The following RPS6KC1 variants were observed in gnomAD, a reference collection of about 807,000 sequenced individuals.
The protein encoded by RPS6KC1 is ribosomal protein S6 kinase C1, also known as inactive ribosomal protein S6 kinase delta-1.
Under a neutral mutation model 103.8 loss-of-function variants are expected in RPS6KC1, and 54 were observed. The ratio of observed to expected loss-of-function variants is 0.52; its 90% CI spans 0.42 to 0.65. RPS6KC1 has a LOEUF of 0.65. Among genes scored for constraint, RPS6KC1 ranks in the 30% least tolerant of loss-of-function variants. RPS6KC1 has a pLI of 0.00. For synonymous variants in RPS6KC1, 439 were observed against 438.7 expected, an observed-to-expected ratio of 1.00 and a Z score of -0.01; for missense variants, 1,151 against 1,253.8, an observed-to-expected ratio of 0.92 and a Z score of 1.24.
chr1:213,585,389 C>T, the RPS6KC1 span, among the ~76,000 whole-genome samples: 4 of 152,294 alleles, frequency 2.6e-5, no homozygotes, highest in African/African-American at 9.6e-5. Flanking sequence ...ATTTATTCCA[C>T]ACCCTCCTCC....
At chr1:213,785,264 C>G in the RPS6KC1 span, among the ~76,000 whole-genome samples, 1 of 152,082 alleles carries the variant, frequency 6.6e-6, no homozygotes, top group African/African-American at 2.4e-5. Context: ...ACCCATGAAC[C>G]CTAAGTGGTC....
chr1:213,699,865 A>C, the RPS6KC1 span, among the ~76,000 whole-genome samples: 4 of 152,060 alleles, frequency 2.6e-5, no homozygotes, highest in Admixed American at 6.6e-5. Flanking sequence ...ATGTCTATTC[A>C]AATCTTTTGC....
At chr1:213,467,318 G>C in the RPS6KC1 span, among the ~76,000 whole-genome samples, 1 of 152,134 alleles carries the variant, frequency 6.6e-6, no homozygotes, top group South Asian at 2.1e-4. Flanking sequence ...CCCCTACTGG[G>C]AATAACGCCA....
the RPS6KC1 span, among the ~76,000 whole-genome samples, chr1:213,772,895 C>G: frequency 1.3e-5 from 2 of 152,176 alleles, no homozygotes; most frequent in Admixed American, 6.5e-5. Flanking sequence ...CTGCCGTCAG[C>G]GGCCAGTTCT....
At chr1:213,257,498 A>T (rs2094675376) in intron 12 of RPS6KC1, among the ~76,000 whole-genome samples, 2 of 152,216 alleles carry the variant, frequency 1.3e-5, no homozygotes, top group South Asian at 2.1e-4. Flanking sequence ...CTTCCTGGGC[A>T]CATAAATACA....
Position 213,129,556 on chromosome 1 carries a change from C to G in RPS6KC1, c.502C>G (p.Leu168Val). ...CTCCAGTGACAGTGATCTGGTATCT[C>G]TTACTGTTGATGTGGATTCTCTTGC... ...GFSSDSDLVS[L>V]TVDVDSLAEL... The change falls in exon 6 of 15, where the codon CTT becomes GTT. Residue 168 changes from leucine (L) to valine (V), a missense_variant. Coordinates refer to ENST00000366960, the MANE Select transcript of RPS6KC1 (RefSeq NM_012424.6). 6.2e-7 allele frequency: 1 copy of G among 1,612,662 alleles called. No individual in the cohort carries two copies. The highest frequency in any genetic ancestry group is 8.5e-7 in the Non-Finnish European group (1 of 1,179,122).
chr1:213,299,654 ATATAT>A, the RPS6KC1 span, among the ~76,000 whole-genome samples: 1 of 152,000 alleles, frequency 6.6e-6, no homozygotes, highest in Non-Finnish European at 1.5e-5. Flanking sequence ...AATTTTAATA[ATATAT>A]TTTATTTAAC....
At chr1:213,336,287 G>A in the RPS6KC1 span, among the ~76,000 whole-genome samples, 2 of 152,306 alleles carry the variant, frequency 1.3e-5, no homozygotes, top group East Asian at 1.9e-4. Flanking sequence ...AGCTGATTTG[G>A]TCAACATCCC....
At chr1:213,477,418 A>G in the RPS6KC1 span, among the ~76,000 whole-genome samples, 1 of 151,518 alleles carries the variant, frequency 6.6e-6, no homozygotes, top group African/African-American at 2.4e-5. Flanking sequence ...CCACTATTGT[A>G]GTCTTCTTAG....
chr1:213,090,569 T>A (rs928501839), intron 3 of RPS6KC1, among the ~76,000 whole-genome samples: 1 of 152,260 alleles, frequency 6.6e-6, no homozygotes, highest in African/African-American at 2.4e-5. Flanking sequence ...TATAAATTCA[T>A]ACAGTTTCTT....
At chr1:213,078,465 G>A (rs1166036797) in intron 3 of RPS6KC1, among the ~76,000 whole-genome samples, 3 of 151,994 alleles carry the variant, frequency 2.0e-5, no homozygotes, top group Non-Finnish European at 4.4e-5. Context: ...ATAGTGGCAC[G>A]ATCTTGGCTT....
At chr1:213,708,879 C>A in the RPS6KC1 span, among the ~76,000 whole-genome samples, 2 of 152,142 alleles carry the variant, frequency 1.3e-5, no homozygotes, top group African/African-American at 4.8e-5. Context: ...GTTGAACCAG[C>A]CTTGCATCCC....
chr1:213,760,754 G>C, the RPS6KC1 span, among the ~76,000 whole-genome samples: 1 of 151,530 alleles, frequency 6.6e-6, no homozygotes, highest in African/African-American at 2.4e-5. Flanking sequence ...AGATCTTGTA[G>C]ATCTAGCCTT....
At chr1:213,512,052 G>A in the RPS6KC1 span, among the ~76,000 whole-genome samples, 1 of 152,148 alleles carries the variant, frequency 6.6e-6, no homozygotes, top group African/African-American at 2.4e-5. Context: ...TAGTGATAGT[G>A]ATAGCAATAG....
At chr1:213,737,714 A>G in the RPS6KC1 span, among the ~76,000 whole-genome samples, 4 of 152,204 alleles carry the variant, frequency 2.6e-5, no homozygotes, top group Non-Finnish European at 5.9e-5. Context: ...CCAATTCACT[A>G]ATCAACATGG....
the RPS6KC1 span, among the ~76,000 whole-genome samples, chr1:213,764,719 C>G: frequency 2.0e-4 from 30 of 152,128 alleles, no homozygotes; most frequent in Non-Finnish European, 2.4e-4. Context: ...CAGGTGCAAG[C>G]TGGAGTGTTG....
the RPS6KC1 span, among the ~76,000 whole-genome samples, chr1:213,860,718 C>G: frequency 4.6e-5 from 7 of 152,102 alleles, no homozygotes; most frequent in Non-Finnish European, 1.5e-5. Flanking sequence ...TGCCTGAGAA[C>G]AGTGGAAGAA....
the RPS6KC1 span, among the ~76,000 whole-genome samples, chr1:213,417,040 G>T: frequency 6.6e-6 from 1 of 152,172 alleles, no homozygotes; most frequent in Non-Finnish European, 1.5e-5. Context: ...TGTTCTGTCT[G>T]CCGGGAACAG....
the RPS6KC1 span, among the ~76,000 whole-genome samples, chr1:213,462,983 T>C: frequency 3.3e-5 from 5 of 152,246 alleles, no homozygotes; most frequent in African/African-American, 4.8e-5. Context: ...TATGTTGCTG[T>C]GTAGAGGCCT....
Sources: allele counts gnomAD v4.1 joint callset (sites outside exome capture counted in the v4.1 genomes callset), GRCh38; gene constraint gnomAD v4.1.1; transcripts MANE v1.5; gene names NCBI Gene and HGNC (gene_info 2026-07-23, HGNC 2026-07-21).